The following DGCR8 variants were observed in gnomAD, a reference collection of about 807,000 sequenced individuals.
DGCR8 encodes the protein microprocessor complex subunit DGCR8.
Under a neutral mutation model 78.5 loss-of-function variants are expected in DGCR8, and 14 were observed. The observed-to-expected ratio is 0.18, with a 90% CI of 0.12 to 0.28. The LOEUF is 0.28. Ranked by LOEUF, DGCR8 falls within the 10% of genes least tolerant of loss-of-function variation. DGCR8 has a pLI of 1.00. For missense variants in DGCR8, 702 were observed against 1,022.5 expected (o/e 0.69, Z 4.28); for synonymous variants, 399 against 402.4 (o/e 0.99, Z 0.10).
intron 9 of DGCR8, among the ~76,000 whole-genome samples, chr22:20,097,102 A>G (rs538846501): frequency 6.6e-6 from 1 of 152,196 alleles, no homozygotes; most frequent in Non-Finnish European, 1.5e-5. Flanking sequence ...TTGCATTTGT[A>G]GTTATAAGCA....
chr22:20,099,367 A>G (rs899119363), intron 9 of DGCR8, among the ~76,000 whole-genome samples: 4 of 152,284 alleles, frequency 2.6e-5, no homozygotes, highest in African/African-American at 7.2e-5. Flanking sequence ...CCTTTTGACA[A>G]AAGCCCTCAG....
chr22:20,107,033 C>T (rs1055344835), intron 11 of DGCR8: 7 of 582,752 alleles, frequency 1.2e-5, no homozygotes, highest in African/African-American at 7.5e-5. Context: ...CTCTCGGCTG[C>T]GTGGCTTTGA....
In DGCR8 at chr22:20,111,249, T is replaced by A; in HGVS notation, c.*1141T>A. ...TGTGCTCAAAGGCTGGCCCTGGTGG[T>A]GGACTGGCACCTGTGCAGAGTGCCG... On this transcript the variant is annotated 3_prime_UTR_variant, in exon 14 of 14. Transcript: ENST00000351989. 1 of 398,796 alleles carries A rather than the reference T, an allele frequency of 2.5e-6. No individual in the cohort carries two copies. The highest frequency in any genetic ancestry group is 4.4e-5 in the Admixed American group (1 of 22,724). The allele number at this position is 398,796 out of a possible 1,614,324, so 24.7% of individuals were successfully genotyped here.
Position 20,080,399 on chromosome 22 carries a change from G to C in DGCR8, c.-278+16G>C. The C allele has an allele frequency of 1.2e-6, 1 of 831,226 alleles. No individual in the cohort carries two copies. The highest frequency in any genetic ancestry group is 1.3e-6 in the Non-Finnish European group (1 of 760,100). 51.5% of individuals were successfully genotyped at this position (831,226 alleles called of 1,614,324 possible). A position where few individuals can be genotyped will look rare whatever the true frequency, so the allele number is the denominator to read the frequency against. ...GGCGCCTCAGGTAGGTGCGGGGCGC[G>C]AGGGGCGCCCGCGGGCGGTTGGGCG... On this transcript the variant is annotated intron_variant, in intron 1 of 13. Coordinates refer to ENST00000351989, the MANE Select transcript of DGCR8 (RefSeq NM_022720.7).
intron 9 of DGCR8, among the ~76,000 whole-genome samples, chr22:20,095,198 C>A (rs187675000): frequency 1.3e-5 from 2 of 152,064 alleles, no homozygotes; most frequent in African/African-American, 4.8e-5. Flanking sequence ...TTTCACCTCC[C>A]GGATTCAAGT....
intron 12 of DGCR8, 115 bp from the exon 13 acceptor site, chr22:20,108,775 C>CTGCCCGACCCTGGGCGCGCCTACCT: frequency 4.9e-6 from 1 of 202,648 alleles, no homozygotes. Context: ...TGTTTCGTGT[C>CTGCCCGACCCTGGGCGCGCCTACCT]TGCCAGACCC....
chr22:20,108,481 G>C (rs1214062748), intron 12 of DGCR8: 1 of 178,916 alleles, frequency 5.6e-6, no homozygotes, highest in Non-Finnish European at 1.2e-5. Flanking sequence ...TGCATTCATG[G>C]AGTGTGCAGA....
At chr22:20,108,735 G>T in intron 12 of DGCR8, 155 bp from the exon 13 acceptor site, 2 of 396,706 alleles carry the variant, frequency 5.0e-6, no homozygotes, top group Non-Finnish European at 9.3e-6. Flanking sequence ...GGGCCAGTCA[G>T]CATGCAGTTA....
At chr22:20,106,960 G>A (rs1341979149) in intron 11 of DGCR8, 1 of 574,506 alleles carries the variant, frequency 1.7e-6, no homozygotes, top group African/African-American at 1.9e-5. Flanking sequence ...CCTCCTCCTC[G>A]AACAGCCAGC....
chr22:20,111,763 A>G lies in DGCR8; in HGVS notation c.*1655A>G, dbSNP rs2049855000. 4.6e-6 allele frequency: 1 copy of G among 218,386 alleles called. No homozygotes were observed. The highest frequency in any genetic ancestry group is 2.8e-5 in the African/African-American group (1 of 36,088). The allele number at this position is 218,386 out of a possible 1,614,324, so 13.5% of individuals were successfully genotyped here. ...ATGGGTATGAATCGTGCACACAGCCATGCTTCAAGGCCGGGGCAGGGGAGC... is the reference window on the plus strand; with the variant it reads ...ATGGGTATGAATCGTGCACACAGCCGTGCTTCAAGGCCGGGGCAGGGGAGC... On this transcript the variant is annotated 3_prime_UTR_variant, in exon 14 of 14. Transcript: ENST00000351989.
In DGCR8 at chr22:20,110,740, C is replaced by A; in HGVS notation, c.*632C>A. The A allele has an allele frequency of 6.1e-6, 1 of 163,244 alleles. No homozygotes were observed. The highest frequency in any genetic ancestry group is 2.4e-5 in the African/African-American group (1 of 42,064). The allele number at this position is 163,244 out of a possible 1,614,324, so 10.1% of individuals were successfully genotyped here. A position where few individuals can be genotyped will look rare whatever the true frequency, so the allele number is the denominator to read the frequency against. ...GAGGCAAACCATCAAGGTGGTCCCT[C>A]TCCAGTCTGGACACGATGCCAGCAA... On this transcript the variant is annotated 3_prime_UTR_variant, in exon 14 of 14. Coordinates refer to ENST00000351989, the MANE Select transcript of DGCR8 (RefSeq NM_022720.7).
chr22:20,087,248 A>T lies in DGCR8; in HGVS notation c.807A>T (p.Gly269=). The T allele has an allele frequency of 6.2e-7, 1 of 1,614,042 alleles. No homozygotes were observed. Among genetic ancestry groups the T allele is most frequent in the Non-Finnish European group, 8.5e-7 (1 of 1,179,944 alleles). ...KKRRTEEKYG[G]DSDHPSDGET... Reference sequence around the variant, plus strand: ...GGCGAACAGAGGAAAAATATGGCGGAGACAGCGACCATCCGTCCGATGGAG... The same window carrying T: ...GGCGAACAGAGGAAAAATATGGCGGTGACAGCGACCATCCGTCCGATGGAG... The change falls in exon 3 of 14, where the codon GGA becomes GGT. Residue 269 remains glycine (G), a synonymous_variant. Coordinates refer to ENST00000351989, the MANE Select transcript of DGCR8 (RefSeq NM_022720.7). The surrounding 1 kb of genome is among the most constrained non-coding windows in gnomAD (Gnocchi z 4.1).
chr22:20,104,122 T>A (rs1334841450), intron 9 of DGCR8, among the ~76,000 whole-genome samples: 2 of 151,598 alleles, frequency 1.3e-5, no homozygotes, highest in African/African-American at 4.8e-5. Context: ...ACATGTGGCC[T>A]CAGGCAGCTT....
rs2049567562 is a variant in DGCR8 at position 20,091,850 on chromosome 22, A to G, written c.1505-19A>G. On this transcript the variant is annotated intron_variant, in intron 6 of 13. Transcript: ENST00000351989. ...GTGGCACTGCTTCACACTTGCTGAGATGGTTCTTTTTGTCACAGAGTTTGT... is the reference window on the plus strand; with the variant it reads ...GTGGCACTGCTTCACACTTGCTGAGGTGGTTCTTTTTGTCACAGAGTTTGT... 1 of 1,611,250 alleles carries G rather than the reference A, an allele frequency of 6.2e-7. No individual in the cohort carries two copies. Among genetic ancestry groups the G allele is most frequent in the Non-Finnish European group, 8.5e-7 (1 of 1,177,554 alleles).
rs555813949 is a variant in DGCR8, at chr22:20,087,265, C to T, written c.824C>T (p.Ser275Phe). Residue 275 changes from serine to phenylalanine, a missense_variant, in exon 3 of 14, where the codon TCC (serine) becomes TTC (phenylalanine). By Grantham distance (155) the Ser-to-Phe change is radical (BLOSUM62 -2). Transcript: ENST00000351989. This position sits in a 1 kb window ranked among gnomAD's most constrained non-coding sequence, Gnocchi z 4.1. ...TATGGCGGAGACAGCGACCATCCGT[C>T]CGATGGAGAGACAAGTGTGCAGCCG... is the stretch of plus-strand genomic sequence containing the variant. ...EKYGGDSDHP[S>F]DGETSVQPMM... The T allele has an allele frequency of 1.2e-6, 2 of 1,613,986 alleles. No homozygotes were observed. The highest frequency in any genetic ancestry group is 2.2e-5 in the South Asian group (2 of 91,062).
intron 12 of DGCR8, chr22:20,108,279 C>CT (rs1039989385): frequency 2.6e-5 from 4 of 152,926 alleles, no homozygotes; most frequent in African/African-American, 9.7e-5. Flanking sequence ...GTGCATGGTC[C>CT]TTGGCTGTGA....
chr22:20,092,963 T>G, intron 8 of DGCR8, 56 bp downstream of exon 8: 1 of 1,468,568 alleles, frequency 6.8e-7, no homozygotes, highest in Non-Finnish European at 9.5e-7. Flanking sequence ...TCTGCCTCGC[T>G]GCTTGGTTAG....
rs932929985 is a variant in DGCR8 at position 20,087,856 on chromosome 22, A to G, written c.880+535A>G. Among the ~76,000 whole-genome samples the G allele has an allele frequency of 2.6e-5, 4 of 152,128 alleles. No individual in the cohort carries two copies. Among genetic ancestry groups the G allele is most frequent in the African/African-American group, 9.7e-5 (4 of 41,432 alleles). On this transcript the variant is annotated intron_variant, in intron 3 of 13. Coordinates refer to ENST00000351989, the MANE Select transcript of DGCR8 (RefSeq NM_022720.7). This position sits in a 1 kb window ranked among gnomAD's most constrained non-coding sequence, Gnocchi z 4.1. ...CCCTGGTCGACGTGGCACTTCCTCA[A>G]CTTTGAGTTGAGGGTAGTGGGGAGA...
rs1349416320 is a variant in DGCR8, at chr22:20,111,362, C to T, written c.*1254C>T. 4.2e-5 allele frequency: 16 copies of T among 384,514 alleles called. No individual in the cohort carries two copies. The highest frequency in any genetic ancestry group is 2.6e-4 in the African/African-American group (12 of 46,874). 23.8% of individuals were successfully genotyped at this position (384,514 alleles called of 1,614,324 possible). On this transcript the variant is annotated 3_prime_UTR_variant, in exon 14 of 14. Transcript: ENST00000351989. ...TGCCCCCTACAGGCGGTACTGATGG[C>T]GCTTTTTTTTTTTTTTCTGTCAGGA...
Sources: gnomAD v4.1 joint callset for allele counts (sites outside exome capture counted in the v4.1 genomes callset) on GRCh38, gnomAD v4.1.1 for gene constraint, Gnocchi (gnomAD v3.1) non-coding constraint, MANE v1.5 for transcripts, NCBI Gene and HGNC (gene_info 2026-07-23, HGNC 2026-07-21) for gene names.